Variants in TMEM62 observed in about 807,000 individuals in gnomAD.
The protein encoded by TMEM62 is transmembrane protein 62.
In TMEM62, 41 loss-of-function variants were observed where a neutral mutation model predicts 70.4. The observed-to-expected ratio is 0.58, with a 90% CI of 0.45 to 0.76. The LOEUF is 0.76. Ranked by LOEUF, TMEM62 falls within the 30% of genes least tolerant of loss-of-function variation. TMEM62 has a pLI of 0.00. For missense variants in TMEM62, 688 were observed against 788.5 expected (o/e 0.87, Z 1.53); for synonymous variants, 268 against 291.0 (o/e 0.92, Z 0.80).
At chr15:43,175,115 T>G (rs2142035913) in intron 11 of TMEM62, among the ~76,000 whole-genome samples, 1 of 152,308 alleles carries the variant, frequency 6.6e-6, no homozygotes, top group South Asian at 2.1e-4. Flanking sequence ...GAATAATTAC[T>G]TAAAATTTAA....
chr15:43,184,665 G>A lies in TMEM62; in HGVS notation c.*79G>A, dbSNP rs1186073589. 2 of 1,337,784 alleles carry A rather than the reference G, an allele frequency of 1.5e-6. No individual in the cohort carries two copies. The highest frequency in any genetic ancestry group is 1.5e-5 in the African/African-American group (1 of 68,470). 82.9% of individuals were successfully genotyped at this position (1,337,784 alleles called of 1,614,324 possible). ...GCCCAGGCCTCTACCCCAGTAGCAG[G>A]TGGAGGGCCAGGATTGGTGGGTGAG... is the stretch of plus-strand genomic sequence containing the variant. On this transcript the variant is annotated 3_prime_UTR_variant, in exon 14 of 14. Coordinates refer to ENST00000260403, the MANE Select transcript of TMEM62 (RefSeq NM_024956.4).
At chr15:43,154,886 A>T in intron 9 of TMEM62, 55 bp downstream of exon 9, 8 of 1,445,354 alleles carry the variant, frequency 5.5e-6, no homozygotes, top group Non-Finnish European at 6.5e-6. Context: ...GCCACAATGA[A>T]TTCTGGTTTG....
chr15:43,154,749 A>C lies in TMEM62; in HGVS notation c.1100A>C (p.His367Pro), dbSNP rs779106185. 3 of 1,613,950 alleles carry C rather than the reference A, an allele frequency of 1.9e-6. No individual in the cohort carries two copies. The highest frequency in any genetic ancestry group is 2.5e-6 in the Non-Finnish European group (3 of 1,179,978). Residue 367 changes from histidine to proline, a missense_variant, in exon 9 of 14, where the codon CAT becomes CCT. His to Pro is a moderately conservative substitution (Grantham distance 77). Coordinates refer to ENST00000260403, the MANE Select transcript of TMEM62 (RefSeq NM_024956.4). ...IDGVHLGQAV[H>P]VSGPIFVLKW... ...GGAGTTCATTTAGGCCAGGCTGTTC[A>C]TGTGTCTGGTCCCATTTTCGTACTG...
intron 2 of TMEM62, 141 bp from the exon 3 acceptor site, chr15:43,135,371 A>G: frequency 1.3e-6 from 1 of 760,612 alleles, no homozygotes; most frequent in South Asian, 3.5e-5. Context: ...CGATTTGGAC[A>G]TTGGTGGTCT....
intron 9 of TMEM62, among the ~76,000 whole-genome samples, chr15:43,157,906 G>A (rs1020388286): frequency 1.3e-5 from 2 of 152,120 alleles, no homozygotes; most frequent in African/African-American, 2.4e-5. Context: ...GGTTCAAATC[G>A]GAATTCAATC....
chr15:43,181,795 C>T (rs1484641136), intron 13 of TMEM62, among the ~76,000 whole-genome samples: 1 of 152,200 alleles, frequency 6.6e-6, no homozygotes, highest in Non-Finnish European at 1.5e-5. Context: ...AGCCACCATG[C>T]CTAGCCTAAA....
chr15:43,146,131 A>G (rs1402906051), intron 4 of TMEM62: 1 of 160,798 alleles, frequency 6.2e-6, no homozygotes, highest in Admixed American at 6.4e-5. Flanking sequence ...TTATCTCACT[A>G]CACCAAGAAT....
At chr15:43,167,065 G>A (rs1023458065) in intron 10 of TMEM62, among the ~76,000 whole-genome samples, 2 of 152,278 alleles carry the variant, frequency 1.3e-5, no homozygotes, top group African/African-American at 2.4e-5. Flanking sequence ...CCTCCCAGAC[G>A]GGGTGGTGGC....
At chr15:43,160,420 G>A (rs1448115397) in intron 9 of TMEM62, 2 of 332,166 alleles carry the variant, frequency 6.0e-6, no homozygotes, top group Non-Finnish European at 1.1e-5. Context: ...GCGTAGTGGT[G>A]TGTGCCTATA....
At chr15:43,178,321 G>A (rs914426247) in intron 11 of TMEM62, among the ~76,000 whole-genome samples, 5 of 151,612 alleles carry the variant, frequency 3.3e-5, no homozygotes, top group Admixed American at 6.6e-5. Context: ...ATATGAGTTC[G>A]ATATATTGTG....
At chr15:43,152,074 TAAAG>T in intron 8 of TMEM62, 129 bp downstream of exon 8, 1 of 512,300 alleles carries the variant, frequency 2.0e-6, no homozygotes, top group Non-Finnish European at 3.3e-6. Context: ...AAACATTATA[TAAAG>T]ATAGATTGCT....
At chr15:43,179,973 G>A (rs1256651025) in intron 12 of TMEM62, 1 of 152,122 alleles carries the variant, frequency 6.6e-6, no homozygotes, top group African/African-American at 2.4e-5. Context: ...ACATTAATAG[G>A]GAAGAATTGT....
intron 10 of TMEM62, among the ~76,000 whole-genome samples, chr15:43,162,774 G>A (rs985786260): frequency 1.3e-5 from 2 of 151,922 alleles, no homozygotes; most frequent in African/African-American, 4.8e-5. Flanking sequence ...GGACATTTAA[G>A]TTGTTTCTAA....
intron 11 of TMEM62, among the ~76,000 whole-genome samples, chr15:43,173,911 G>C (rs1237782579): frequency 7.0e-6 from 1 of 143,812 alleles, no homozygotes; most frequent in Non-Finnish European, 1.5e-5. Flanking sequence ...AAGCTGGAGT[G>C]CAGTGGTATG....
chr15:43,171,285 G>A (rs968377908), intron 11 of TMEM62, among the ~76,000 whole-genome samples: 2 of 151,422 alleles, frequency 1.3e-5, no homozygotes, highest in African/African-American at 4.9e-5. Context: ...GCAGTGAGCC[G>A]AGATCATGTC....
At chr15:43,140,822 A>T (rs1464132181) in intron 4 of TMEM62, among the ~76,000 whole-genome samples, 1 of 152,238 alleles carries the variant, frequency 6.6e-6, no homozygotes, top group Admixed American at 6.5e-5. Context: ...TTCCAGAAGC[A>T]TAGCAACATT....
At chr15:43,164,942 C>T (rs895712671) in intron 10 of TMEM62, among the ~76,000 whole-genome samples, 4 of 152,118 alleles carry the variant, frequency 2.6e-5, no homozygotes, top group Non-Finnish European at 5.9e-5. Context: ...TATTGGAGCT[C>T]CTTTGCATGT....
At chr15:43,166,297 CAGAGT>C (rs1265577355) in intron 10 of TMEM62, among the ~76,000 whole-genome samples, 1 of 152,148 alleles carries the variant, frequency 6.6e-6, no homozygotes, top group African/African-American at 2.4e-5. Flanking sequence ...GTGGCAGAGA[CAGAGT>C]AGACTGTGCT....
intron 11 of TMEM62, among the ~76,000 whole-genome samples, chr15:43,175,315 T>G (rs572935188): frequency 2.6e-5 from 4 of 152,350 alleles, no homozygotes; most frequent in African/African-American, 9.6e-5. Context: ...TGAGCAAGGT[T>G]ATAAGTATAA....
Sources: allele counts gnomAD v4.1 joint callset (sites outside exome capture counted in the v4.1 genomes callset), GRCh38; gene constraint gnomAD v4.1.1; transcripts MANE v1.5; gene names NCBI Gene and HGNC (gene_info 2026-07-23, HGNC 2026-07-21).